The following CNGB1 variants were observed in gnomAD, a reference collection of about 807,000 sequenced individuals.
CNGB1 encodes cyclic nucleotide gated channel subunit beta 1, also known as cyclic nucleotide-gated channel beta-1.
CNGB1 carries 126 observed loss-of-function variants against 151.7 expected under a neutral mutation model. That is an observed-to-expected ratio of 0.83 (90% CI 0.72 to 0.96). The LOEUF is 0.96. CNGB1 is among the 40% of genes least tolerant of loss of function. CNGB1 has a pLI of 0.00. For synonymous variants in CNGB1, 623 were observed against 635.1 expected, an observed-to-expected ratio of 0.98 and a Z score of 0.29; for missense variants, 1,698 against 1,627.0, an observed-to-expected ratio of 1.04 and a Z score of -0.75.
intron 23 of CNGB1, 63 bp from the exon 24 acceptor site, chr16:57,913,057 CCACG>C (rs1960775547): frequency 2.6e-6 from 4 of 1,541,512 alleles, no homozygotes; most frequent in Admixed American, 1.7e-5. Flanking sequence ...GCTCCCACGC[CCACG>C]GGCGCCGAGA....
chr16:57,945,386 C>T (rs1414954796), intron 14 of CNGB1, among the ~76,000 whole-genome samples: 1 of 152,234 alleles, frequency 6.6e-6, no homozygotes, highest in Non-Finnish European at 1.5e-5. Context: ...GAACTGCCCA[C>T]AGGCCCAGCC....
chr16:57,901,327 C>T lies in CNGB1; in HGVS notation c.2976+25G>A, dbSNP rs115011968. 5.8e-3 allele frequency: 9,400 copies of T among 1,611,372 alleles called. 485 individuals are homozygous for T. In the African/African-American group the frequency reaches 0.11, roughly 18 times the overall value. ...CAGGGGGATGGTGAACCCCAGATCC[C>T]GTGGTGGCTGCCAGGCCAGCTCACC... On this transcript the variant is annotated intron_variant, in intron 29 of 32. Coordinates refer to ENST00000251102, the MANE Select transcript of CNGB1 (RefSeq NM_001297.5).
Position 57,950,399 on chromosome 16 carries a change from G to T in CNGB1, c.1016C>A (p.Ala339Asp). 6.2e-7 allele frequency: 1 copy of T among 1,614,224 alleles called. No individual in the cohort carries two copies. Among genetic ancestry groups the T allele is most frequent in the Non-Finnish European group, 8.5e-7 (1 of 1,180,036 alleles). Reference protein sequence around the residue: ...VVPAYEEENKAVEKMPRELSR... With the variant: ...VVPAYEEENKDVEKMPRELSR... ...TCCCCACCTGGGCATCTTCTCCACAGCTTTGTTCTCTTCTTCATAAGCTGG... is the reference window on the plus strand; with the variant it reads ...TCCCCACCTGGGCATCTTCTCCACATCTTTGTTCTCTTCTTCATAAGCTGG... Residue 339 changes from alanine to aspartate, a missense_variant, in exon 13 of 33, where the codon GCT becomes GAT. Coordinates refer to ENST00000251102, the MANE Select transcript of CNGB1 (RefSeq NM_001297.5).
chr16:57,895,094 G>T (rs1265170184), intron 31 of CNGB1, among the ~76,000 whole-genome samples: 23 of 152,092 alleles, frequency 1.5e-4, no homozygotes, highest in Admixed American at 1.0e-3. Flanking sequence ...TCCCTGTATT[G>T]CTCAGTGTTG....
rs2303783 is a variant in CNGB1, at chr16:57,931,816, G to A, written c.1435C>T (p.Leu479Phe). 1.9e-6 allele frequency: 3 copies of A among 1,614,164 alleles called. No individual in the cohort carries two copies. The Middle Eastern group carries it at 4.9e-4, about 266-fold the overall frequency. The change falls in exon 17 of 33, where the codon CTC becomes TTC. Residue 479 changes from leucine to phenylalanine, a missense_variant. Coordinates refer to ENST00000251102, the MANE Select transcript of CNGB1 (RefSeq NM_001297.5). ...VEDTDADSCP[L>F]MAEENPPSTV... ...GAGGGTGGATTCTCTTCTGCCATGA[G>A]GGGGCAGCTATCAGCATCAGTATCT...
At chr16:57,940,828 G>A (rs1961648938) in intron 14 of CNGB1, among the ~76,000 whole-genome samples, 1 of 152,006 alleles carries the variant, frequency 6.6e-6, no homozygotes, top group Non-Finnish European at 1.5e-5. Context: ...CTCAAACCCA[G>A]GCCCTGGTTC....
chr16:57,937,457 G>C (rs932059413), intron 16 of CNGB1: 8 of 152,424 alleles, frequency 5.2e-5, no homozygotes, highest in Admixed American at 3.9e-4. Flanking sequence ...TTTCAGCAGT[G>C]CTACCCAAAG....
chr16:57,960,242 G>T (rs1189149774), intron 9 of CNGB1, among the ~76,000 whole-genome samples, 177 bp from the exon 10 acceptor site: 1 of 152,212 alleles, frequency 6.6e-6, no homozygotes, highest in African/African-American at 2.4e-5. Context: ...CTGAGACCCA[G>T]GGAGGGGAAG....
chr16:57,946,195 A>G (rs1474911132), intron 14 of CNGB1, among the ~76,000 whole-genome samples: 1 of 152,206 alleles, frequency 6.6e-6, no homozygotes, highest in Non-Finnish European at 1.5e-5. Flanking sequence ...TTCCAAGTTT[A>G]AGATCCAGGG....
At chr16:57,949,898 T>C (rs1224510256) in intron 13 of CNGB1, among the ~76,000 whole-genome samples, 1 of 152,228 alleles carries the variant, frequency 6.6e-6, no homozygotes, top group Non-Finnish European at 1.5e-5. Flanking sequence ...TATTCACACA[T>C]GTGCAAAGAC....
chr16:57,936,857 A>G (rs1287287545), intron 16 of CNGB1, among the ~76,000 whole-genome samples: 1 of 152,178 alleles, frequency 6.6e-6, no homozygotes, highest in Non-Finnish European at 1.5e-5. Flanking sequence ...AAAAAAATAA[A>G]TGAATTGCTA....
At position 57,967,611 on chromosome 16, in the gene CNGB1, G is replaced by A. The variant is rs181699106; in HGVS notation, c.-8-317C>T. On this transcript the variant is annotated intron_variant, in intron 1 of 32. Transcript: ENST00000251102. ...CTCAGGAGGCTGAGGTGGGAGGATC[G>A]TTTGAGCCTAGGAGGTCGAGGCAGC... Among the ~76,000 whole-genome samples the A allele has an allele frequency of 2.6e-5, 4 of 152,026 alleles. No individual in the cohort carries two copies. The East Asian group carries it at 5.8e-4, about 22-fold the overall frequency.
chr16:57,905,345 G>A (rs1736142317), intron 25 of CNGB1, among the ~76,000 whole-genome samples: 1 of 149,162 alleles, frequency 6.7e-6, no homozygotes, highest in African/African-American at 2.4e-5. Flanking sequence ...CCCCTACCCG[G>A]CCCATCCATT....
chr16:57,911,791 G>C lies in CNGB1; in HGVS notation c.2454C>G (p.Leu818=), dbSNP rs528283367. 1.9e-6 allele frequency: 3 copies of C among 1,614,108 alleles called. No homozygotes were observed. The highest frequency in any genetic ancestry group is 2.5e-6 in the Non-Finnish European group (3 of 1,179,964). The change falls in exon 25 of 33, where the codon CTC becomes CTG. Residue 818 remains leucine (L), a synonymous_variant. Coordinates refer to ENST00000251102, the MANE Select transcript of CNGB1 (RefSeq NM_001297.5). The part of the protein sequence containing the change: ...LYYWASAYQG[L]GSTHWVYDGV... ...CATCGTAAACCCAGTGAGTGGAGCC[G>C]AGGCCCTGATAGGCCGATGCCCAGT... is the stretch of plus-strand genomic sequence containing the variant.
At chr16:57,906,136 G>A (rs953365652) in intron 25 of CNGB1, among the ~76,000 whole-genome samples, 4 of 152,268 alleles carry the variant, frequency 2.6e-5, no homozygotes, top group African/African-American at 9.6e-5. Context: ...CATGGGCTCT[G>A]GACCAGGCTG....
At chr16:57,947,258 C>A (rs1423297049) in intron 14 of CNGB1, among the ~76,000 whole-genome samples, 7 of 152,174 alleles carry the variant, frequency 4.6e-5, no homozygotes, top group African/African-American at 1.7e-4. Flanking sequence ...TGATCACTGG[C>A]CTTCAAAGGG....
chr16:57,940,461 C>A, intron 14 of CNGB1, 140 bp from the exon 15 acceptor site: 1 of 742,698 alleles, frequency 1.3e-6, no homozygotes. Flanking sequence ...ACCTCAGGAG[C>A]CTCCAGGGCA....
In CNGB1 at chr16:57,960,029, A is replaced by G. The variant is rs774807951; in HGVS notation, c.620T>C (p.Leu207Pro). 1 of 1,570,296 alleles carries G rather than the reference A, an allele frequency of 6.4e-7. No individual in the cohort carries two copies. The highest frequency in any genetic ancestry group is 1.9e-5 in the Admixed American group (1 of 53,388). The change falls in exon 10 of 33, where the codon CTG becomes CCG. Residue 207 changes from leucine (L) to proline (P), a missense_variant. Coordinates refer to ENST00000251102, the MANE Select transcript of CNGB1 (RefSeq NM_001297.5). ...PGRPQEMGPK[L>P]QARETPSLPT... ...CAGGGAGGGGGTCTCCCGGGCCTGC[A>G]GCTTGGGCCCCATTTCCTGGGGGCG...
intron 31 of CNGB1, among the ~76,000 whole-genome samples, chr16:57,894,092 C>T (rs1365778574): frequency 1.3e-5 from 2 of 152,134 alleles, no homozygotes; most frequent in Admixed American, 6.5e-5. Flanking sequence ...TACGGATGCA[C>T]ACGGTTATTC....
Sources: gnomAD v4.1 joint callset for allele counts (sites outside exome capture counted in the v4.1 genomes callset) on GRCh38, gnomAD v4.1.1 for gene constraint, MANE v1.5 for transcripts, NCBI Gene and HGNC (gene_info 2026-07-23, HGNC 2026-07-21) for gene names.